The following TLE4 variants were observed in gnomAD, a reference collection of about 807,000 sequenced individuals.
TLE4 encodes transducin-like enhancer protein 4.
Under a neutral mutation model 92.8 loss-of-function variants are expected in TLE4, and 8 were observed. The observed-to-expected ratio is 0.09, with a 90% CI of 0.05 to 0.16. TLE4 has a LOEUF of 0.16. Ranked by LOEUF, TLE4 falls within the 10% of genes least tolerant of loss-of-function variation. TLE4 has a pLI of 1.00. For synonymous variants in TLE4, 371 were observed against 374.1 expected (o/e 0.99, Z 0.10); for missense variants, 675 against 997.6 (o/e 0.68, Z 4.36).
rs537458315 is a variant in TLE4 at position 79,601,330 on chromosome 9, A to G, written c.253-11326A>G. 5.3e-5 allele frequency: 24 copies of G among 453,144 alleles called. 1 individual carries two copies. Among genetic ancestry groups the G allele is most frequent in the South Asian group, 3.1e-4 (20 of 63,828 alleles). 28.1% of individuals were successfully genotyped at this position (453,144 alleles called of 1,614,324 possible). On this transcript the variant is annotated intron_variant, in intron 4 of 19. Transcript: ENST00000376552. The stretch of plus-strand genomic sequence containing the variant: ...GAATTTAAGCAAGTTTTCTGGATAG[A>G]TATTCCTTTATGGTTGATATATTAA...
chr9:79,719,402 T>G (rs1054812800), intron 15 of TLE4, among the ~76,000 whole-genome samples: 1 of 151,940 alleles, frequency 6.6e-6, no homozygotes, highest in Non-Finnish European at 1.5e-5. Flanking sequence ...AATGTCAGTT[T>G]AGTAGAATTT....
intron 4 of TLE4, among the ~76,000 whole-genome samples, chr9:79,591,758 T>C (rs941146975): frequency 2.6e-5 from 4 of 152,020 alleles, no homozygotes; most frequent in Non-Finnish European, 5.9e-5. Flanking sequence ...CCTAAGACAT[T>C]GATGTCTGCA....
intron 6 of TLE4, among the ~76,000 whole-genome samples, chr9:79,634,151 G>A (rs2055096157): frequency 6.6e-6 from 1 of 152,086 alleles, no homozygotes; most frequent in Non-Finnish European, 1.5e-5. Context: ...TATTAAAGGG[G>A]CATATTTTAT....
At chr9:79,691,707 C>A (rs2067119646) in intron 8 of TLE4, among the ~76,000 whole-genome samples, 1 of 152,168 alleles carries the variant, frequency 6.6e-6, no homozygotes, top group Admixed American at 6.5e-5. Flanking sequence ...CTAGAACAGT[C>A]TTCTGGCTGT....
chr9:79,622,162 A>T (rs924937627), intron 5 of TLE4, among the ~76,000 whole-genome samples: 26 of 152,006 alleles, frequency 1.7e-4, no homozygotes, highest in African/African-American at 6.3e-4. Flanking sequence ...TCCCACTAAT[A>T]CTTGGTTCTT....
intron 6 of TLE4, among the ~76,000 whole-genome samples, chr9:79,640,565 A>T (rs1031108025): frequency 3.9e-5 from 6 of 152,026 alleles, no homozygotes; most frequent in Admixed American, 2.0e-4. Context: ...CTACCTAGTT[A>T]CTTATGTTCC....
chr9:79,701,027 TAAA>T (rs1267681582), intron 8 of TLE4, among the ~76,000 whole-genome samples: 1 of 151,558 alleles, frequency 6.6e-6, no homozygotes, highest in Non-Finnish European at 1.5e-5. Flanking sequence ...AATAATAAAA[TAAA>T]AAGCTTTTCT....
intron 14 of TLE4, among the ~76,000 whole-genome samples, chr9:79,710,268 A>G (rs1340443419): frequency 1.3e-5 from 2 of 152,298 alleles, no homozygotes; most frequent in South Asian, 2.1e-4. Context: ...TTTTAATCTA[A>G]TGCACCTTTT....
intron 11 of TLE4, among the ~76,000 whole-genome samples, chr9:79,707,740 T>A (rs2135959040): frequency 6.6e-6 from 1 of 152,302 alleles, no homozygotes; most frequent in Non-Finnish European, 1.5e-5. Context: ...ATGTGACCTG[T>A]TCACCAGGAA....
intron 4 of TLE4, among the ~76,000 whole-genome samples, chr9:79,583,547 C>T (rs1314424304): frequency 4.6e-5 from 7 of 152,160 alleles, no homozygotes; most frequent in African/African-American, 1.7e-4. Flanking sequence ...CTGTTGCTTG[C>T]AGCAACCTAG....
chr9:79,704,708 C>A, intron 8 of TLE4, 75 bp from the exon 9 acceptor site: 1 of 1,551,988 alleles, frequency 6.4e-7, no homozygotes, highest in South Asian at 1.2e-5. Flanking sequence ...AAAAGAAAGT[C>A]TCAAGTGACT....
At chr9:79,587,028 T>A (rs542409318) in intron 4 of TLE4, among the ~76,000 whole-genome samples, 1 of 152,350 alleles carries the variant, frequency 6.6e-6, no homozygotes, top group Admixed American at 6.5e-5. Flanking sequence ...CTGTAGTCAC[T>A]CTGTTATGCT....
Position 79,609,473 on chromosome 9 carries a change from A to T in TLE4, c.253-3183A>T, listed in dbSNP as rs79493762. 6.1e-3 allele frequency among the ~76,000 whole-genome samples: 927 copies of T among 152,148 alleles called. 8 individuals carry two copies. The highest frequency in any genetic ancestry group is 0.045 in the East Asian group (232 of 5,152). ...AAGGTGGGTAATTTTGAGAGAGAGG[A>T]AATAGAATGGTAGTGAGTTGAGGGT... On this transcript the variant is annotated intron_variant, in intron 4 of 19. Transcript: ENST00000376552.
intron 4 of TLE4, among the ~76,000 whole-genome samples, chr9:79,592,260 TTTC>T (rs1246492635): frequency 2.1e-4 from 32 of 149,364 alleles, no homozygotes; most frequent in South Asian, 1.7e-3. Context: ...TTCTTTCTTC[TTTC>T]TTCTTCTTCT....
chr9:79,706,455 G>A (rs2135929769), intron 10 of TLE4, among the ~76,000 whole-genome samples: 1 of 151,494 alleles, frequency 6.6e-6, no homozygotes, highest in East Asian at 1.9e-4. Flanking sequence ...TGCAGTGAAG[G>A]CACACCAGAT....
chr9:79,668,759 A>G (rs2061800060), intron 8 of TLE4: 1 of 935,796 alleles, frequency 1.1e-6, no homozygotes, highest in African/African-American at 1.8e-5. Context: ...AATGGAAGTC[A>G]TCTACTGGAA....
intron 4 of TLE4, among the ~76,000 whole-genome samples, chr9:79,606,184 GTTGTTTTTTTTTTTTTTTTTTTT>G (rs2046827575): frequency 1.1e-4 from 2 of 18,410 alleles, no homozygotes; most frequent in Middle Eastern, 0.056. Flanking sequence ...AGCAGTAGTA[GTTGTTTTTTTTTTTTTTTTTTTT>G]TTTTTTTTTT....
chr9:79,599,926 T>C (rs1469104288), intron 4 of TLE4, among the ~76,000 whole-genome samples: 2 of 152,216 alleles, frequency 1.3e-5, no homozygotes, highest in African/African-American at 4.8e-5. Context: ...TATACTTGTA[T>C]GTTTGCTTCT....
At chr9:79,611,113 C>T (rs76819840) in intron 4 of TLE4, among the ~76,000 whole-genome samples, 1 of 152,156 alleles carries the variant, frequency 6.6e-6, no homozygotes, top group African/African-American at 2.4e-5. Flanking sequence ...GTGAATGCTA[C>T]TCTATTTTTA....
Sources: allele counts gnomAD v4.1 joint callset (sites outside exome capture counted in the v4.1 genomes callset), GRCh38; gene constraint gnomAD v4.1.1; transcripts MANE v1.5; gene names NCBI Gene and HGNC (gene_info 2026-07-23, HGNC 2026-07-21).